Variants in RPSA2 observed in about 807,000 individuals in gnomAD.
RPSA2 encodes the protein small ribosomal subunit protein uS2B.
chr19:23,805,615 A>G, the RPSA2 span, among the ~76,000 whole-genome samples: 2 of 152,224 alleles, frequency 1.3e-5, no homozygotes, highest in Non-Finnish European at 2.9e-5. Context: ...AGATGCAGGT[A>G]TAATTAGTCC....
the RPSA2 span, among the ~76,000 whole-genome samples, chr19:23,798,162 G>A: frequency 1.7e-4 from 26 of 152,108 alleles, no homozygotes; most frequent in Admixed American, 5.2e-4. Flanking sequence ...GTCTTTTAAA[G>A]TTGACACAGA....
the RPSA2 span, among the ~76,000 whole-genome samples, chr19:23,786,375 C>A: frequency 6.6e-6 from 1 of 152,172 alleles, no homozygotes; most frequent in African/African-American, 2.4e-5. Flanking sequence ...ATTTTGCTGC[C>A]TGGTCCCAGT....
the RPSA2 span, among the ~76,000 whole-genome samples, chr19:23,791,062 G>A: frequency 6.6e-6 from 1 of 152,162 alleles, no homozygotes; most frequent in Non-Finnish European, 1.5e-5. Context: ...ATTGTGCAGG[G>A]ACCACGGGAG....
chr19:23,844,878 C>T, the RPSA2 span, among the ~76,000 whole-genome samples: 1 of 150,854 alleles, frequency 6.6e-6, no homozygotes, highest in Non-Finnish European at 1.5e-5. Flanking sequence ...TTTGGCTGTG[C>T]ATTTATCTAG....
chr19:23,767,355 A>G, the RPSA2 span, among the ~76,000 whole-genome samples: 1 of 152,220 alleles, frequency 6.6e-6, no homozygotes, highest in African/African-American at 2.4e-5. Flanking sequence ...CAGGGATTAC[A>G]GGTGTGAGCC....
the RPSA2 span, among the ~76,000 whole-genome samples, chr19:23,850,302 A>G: frequency 6.8e-6 from 1 of 147,040 alleles, no homozygotes; most frequent in Non-Finnish European, 1.5e-5. Flanking sequence ...AAGTATAAGG[A>G]GGAGAAATAT....
the RPSA2 span, among the ~76,000 whole-genome samples, chr19:23,791,368 T>A: frequency 6.6e-6 from 1 of 152,170 alleles, no homozygotes; most frequent in Non-Finnish European, 1.5e-5. Flanking sequence ...AATTGGCAGT[T>A]TATAGTTGGT....
the RPSA2 span, among the ~76,000 whole-genome samples, chr19:23,763,373 G>T: frequency 6.6e-6 from 1 of 152,236 alleles, no homozygotes. Context: ...GCAGCCTCGA[G>T]TATTTCCCAG....
At chr19:23,792,508 A>G in the RPSA2 span, among the ~76,000 whole-genome samples, 1 of 152,174 alleles carries the variant, frequency 6.6e-6, no homozygotes, top group Non-Finnish European at 1.5e-5. Context: ...TTAAAAATAA[A>G]ACAGATGTAT....
the RPSA2 span, chr19:23,833,133 A>C: frequency 8.2e-7 from 1 of 1,214,668 alleles, no homozygotes; most frequent in Admixed American, 3.5e-5. Context: ...CTGGTTTAAA[A>C]CCCTACAAAT....
chr19:23,781,872 C>T, the RPSA2 span, among the ~76,000 whole-genome samples: 1 of 152,208 alleles, frequency 6.6e-6, no homozygotes. Flanking sequence ...GGGCCCAGTT[C>T]ACAGTGCTGT....
At chr19:23,787,963 A>G in the RPSA2 span, among the ~76,000 whole-genome samples, 1 of 152,266 alleles carries the variant, frequency 6.6e-6, no homozygotes, top group African/African-American at 2.4e-5. Context: ...AGATTGCAAT[A>G]TATCTTTGGG....
At chr19:23,806,904 C>T in the RPSA2 span, among the ~76,000 whole-genome samples, 1 of 151,696 alleles carries the variant, frequency 6.6e-6, no homozygotes, top group African/African-American at 2.4e-5. Context: ...CTATCTTGGA[C>T]TTTCCATATA....
chr19:23,832,300 C>A, the RPSA2 span: 1 of 464,816 alleles, frequency 2.2e-6, no homozygotes. Flanking sequence ...TAGAGGGAAA[C>A]ATTACAAGTG....
At chr19:23,774,934 A>G in the RPSA2 span, among the ~76,000 whole-genome samples, 2 of 152,120 alleles carry the variant, frequency 1.3e-5, no homozygotes, top group East Asian at 1.9e-4. Context: ...CTCACTCCCT[A>G]TCCACAGGGG....
At chr19:23,814,161 G>T in the RPSA2 span, among the ~76,000 whole-genome samples, 3 of 150,484 alleles carry the variant, frequency 2.0e-5, no homozygotes, top group African/African-American at 7.3e-5. Context: ...GCAGCAAGCT[G>T]AGACCATGCC....
the RPSA2 span, among the ~76,000 whole-genome samples, chr19:23,867,980 C>G: frequency 6.6e-6 from 1 of 152,160 alleles, no homozygotes; most frequent in Non-Finnish European, 1.5e-5. Context: ...GAAGCTAGCT[C>G]AACTTCATCT....
chr19:23,827,708 C>T, the RPSA2 span: 3 of 1,589,380 alleles, frequency 1.9e-6, no homozygotes, highest in South Asian at 3.3e-5. Context: ...TCGGGAAGTT[C>T]TGCGCATGCG....
the RPSA2 span, among the ~76,000 whole-genome samples, chr19:23,786,579 A>G: frequency 6.6e-6 from 1 of 152,144 alleles, no homozygotes; most frequent in African/African-American, 2.4e-5. Flanking sequence ...ACATTGTTAC[A>G]TATTGCTGGG....
Sources: allele counts gnomAD v4.1 joint callset (sites outside exome capture counted in the v4.1 genomes callset), GRCh38; gene constraint gnomAD v4.1.1; transcripts MANE v1.5; gene names NCBI Gene and HGNC (gene_info 2026-07-23, HGNC 2026-07-21).